The following ATXN1L variants were observed in gnomAD, a reference collection of about 807,000 sequenced individuals.
ATXN1L encodes the protein ataxin-1-like.
In ATXN1L, 8 loss-of-function variants were observed where a neutral mutation model predicts 43.4. The observed-to-expected ratio is 0.18, with a 90% CI of 0.11 to 0.33. The LOEUF is 0.33. Ranked by LOEUF, ATXN1L falls within the 10% of genes least tolerant of loss-of-function variation. The pLI is 1.00. For synonymous variants in ATXN1L, 379 were observed against 360.6 expected, an observed-to-expected ratio of 1.05 and a Z score of -0.58; for missense variants, 856 against 885.4, an observed-to-expected ratio of 0.97 and a Z score of 0.42.
rs187188338 is a variant in ATXN1L at position 71,854,120 on chromosome 16, A to G, written c.*2310A>G. On this transcript the variant is annotated 3_prime_UTR_variant, in exon 3 of 3. Coordinates refer to ENST00000427980, the MANE Select transcript of ATXN1L (RefSeq NM_001137675.4). ...CTCACAAGCGTCCTTCCTCATAGGA[A>G]GGCTCATCAACTGAATTTAGTGACA... is the stretch of plus-strand genomic sequence containing the variant. 1.6e-4 allele frequency: 26 copies of G among 167,244 alleles called. No homozygotes were observed. The East Asian group carries it at 3.7e-3, about 24-fold the overall frequency. The allele number at this position is 167,244 out of a possible 1,614,324, so 10.4% of individuals were successfully genotyped here.
In ATXN1L at chr16:71,852,074, G is replaced by T; in HGVS notation, c.*264G>T. ...AAGGAAGGGGGTGCACACAGGAGAAGAAACATTCCAAAATCAGGGCCTCCC... is the reference window on the plus strand; with the variant it reads ...AAGGAAGGGGGTGCACACAGGAGAATAAACATTCCAAAATCAGGGCCTCCC... On this transcript the variant is annotated 3_prime_UTR_variant, in exon 3 of 3. Coordinates refer to ENST00000427980, the MANE Select transcript of ATXN1L (RefSeq NM_001137675.4). 3.0e-6 allele frequency: 1 copy of T among 332,488 alleles called. No homozygotes were observed. The highest frequency in any genetic ancestry group is 5.0e-5 in the East Asian group (1 of 19,988). 20.6% of individuals were successfully genotyped at this position (332,488 alleles called of 1,614,324 possible).
In ATXN1L at chr16:71,850,824, C is replaced by T. The variant is rs1380936179; in HGVS notation, c.1084C>T (p.Pro362Ser). 2 of 1,551,692 alleles carry T rather than the reference C, an allele frequency of 1.3e-6. No homozygotes were observed. The highest frequency in any genetic ancestry group is 1.2e-5 in the South Asian group (1 of 84,054). Residue 362 changes from proline (P) to serine (S), a missense_variant, in exon 3 of 3, where the codon CCC becomes TCC. Coordinates refer to ENST00000427980, the MANE Select transcript of ATXN1L (RefSeq NM_001137675.4). ...AGCTCAGAGGAAGGAGGAACCCAGCCCCCTCAACCTATCCCATCATACCCC... is the reference window on the plus strand; with the variant it reads ...AGCTCAGAGGAAGGAGGAACCCAGCTCCCTCAACCTATCCCATCATACCCC... ...VAAQRKEEPS[P>S]LNLSHHTPDH...
Position 71,851,596 on chromosome 16 carries a change from G to A in ATXN1L, c.1856G>A (p.Cys619Tyr). ...ERTVLGSREL[C>Y]DSEGKSQPAG... ...ACGGTCTTGGGATCCAGAGAGCTATGTGACAGTGAGGGGAAGAGCCAGCCG... is the reference window on the plus strand; with the variant it reads ...ACGGTCTTGGGATCCAGAGAGCTATATGACAGTGAGGGGAAGAGCCAGCCG... The change falls in exon 3 of 3, where the codon TGT (cysteine) becomes TAT (tyrosine). Residue 619 changes from cysteine (C) to tyrosine (Y), a missense_variant. This residue lies in a region of ATXN1L where 185 missense variants were observed against 176.8 expected (regional missense o/e 1.05). Transcript: ENST00000427980. The surrounding 1 kb of genome is among the most constrained non-coding windows in gnomAD (Gnocchi z 4.9). 1 of 1,547,738 alleles carries A rather than the reference G, an allele frequency of 6.5e-7. No individual in the cohort carries two copies. The highest frequency in any genetic ancestry group is 8.7e-7 in the Non-Finnish European group (1 of 1,144,004).
In ATXN1L at chr16:71,846,114, C is replaced by T; in HGVS notation, c.-180+10C>T. On this transcript the variant is annotated intron_variant, in intron 1 of 2. Transcript: ENST00000427980. The stretch of plus-strand genomic sequence containing the variant: ...GCTGTGAAATGGGCTGGTGAGTGTC[C>T]CTGGAAGTGGTGGCCGCCGGGGCCA... 1 of 189,050 alleles carries T rather than the reference C, an allele frequency of 5.3e-6. No homozygotes were observed. The highest frequency in any genetic ancestry group is 1.1e-5 in the Non-Finnish European group (1 of 87,794). 11.7% of individuals were successfully genotyped at this position (189,050 alleles called of 1,614,324 possible).
In ATXN1L at chr16:71,853,337, T is replaced by C. The variant is rs1470489943; in HGVS notation, c.*1527T>C. 6.0e-6 allele frequency: 1 copy of C among 167,062 alleles called. No individual in the cohort carries two copies. The highest frequency in any genetic ancestry group is 1.5e-5 in the Non-Finnish European group (1 of 68,148). The allele number at this position is 167,062 out of a possible 1,614,324, so 10.3% of individuals were successfully genotyped here. On this transcript the variant is annotated 3_prime_UTR_variant, in exon 3 of 3. Coordinates refer to ENST00000427980, the MANE Select transcript of ATXN1L (RefSeq NM_001137675.4). ...CAGACCGTGGGGTTCCACTGGGTAT[T>C]GGGAATTAGGCTCCCCCACTAGCTT...
rs760424394 is a variant in ATXN1L at position 71,850,860 on chromosome 16, G to T, written c.1120G>T (p.Gly374Cys). ...ATCCCATCATACCCCCGACCATCAG[G>T]GTGAGGGGCGAGGGTCAGCCAGGAA... ...NLSHHTPDHQ[G>C]EGRGSARNPA... Residue 374 changes from glycine (G) to cysteine (C), a missense_variant, in exon 3 of 3, where the codon GGT (glycine) becomes TGT (cysteine). By Grantham distance (159) the Gly-to-Cys change is radical. Transcript: ENST00000427980. 8 of 1,551,608 alleles carry T rather than the reference G, an allele frequency of 5.2e-6. No homozygotes were observed. The highest frequency in any genetic ancestry group is 7.0e-6 in the Non-Finnish European group (8 of 1,147,008).
chr16:71,848,005 T>G lies in ATXN1L; in HGVS notation c.-179-5T>G. The G allele has an allele frequency of 2.2e-6, 1 of 455,996 alleles. No homozygotes were observed. Among genetic ancestry groups the G allele is most frequent in the South Asian group, 1.5e-5 (1 of 64,542 alleles). 28.2% of individuals were successfully genotyped at this position (455,996 alleles called of 1,614,324 possible). A position where few individuals can be genotyped will look rare whatever the true frequency, so the allele number is the denominator to read the frequency against. ...GCTTACTCCATTCCTGTTTCTATCT[T>G]CTAGGCTCCCGAGCCAGCCGGGAGG... On this transcript the variant is annotated splice_region_variant and splice_polypyrimidine_tract_variant and intron_variant, in intron 1 of 2. Transcript: ENST00000427980.
At position 71,850,444 on chromosome 16, in the gene ATXN1L, G is replaced by C; in HGVS notation, c.704G>C (p.Arg235Thr). Reference sequence around the variant, plus strand: ...ATGCCCATTTATTATCAGATGTCCAGGCTACCTGCTGGGTATACTTTGCAT... The same window carrying C: ...ATGCCCATTTATTATCAGATGTCCACGCTACCTGCTGGGTATACTTTGCAT... ...GRMPIYYQMS[R>T]LPAGYTLHET... The change falls in exon 3 of 3, where the codon AGG becomes ACG. Residue 235 changes from arginine to threonine, a missense_variant. Coordinates refer to ENST00000427980, the MANE Select transcript of ATXN1L (RefSeq NM_001137675.4). 6.4e-7 allele frequency: 1 copy of C among 1,551,726 alleles called. No homozygotes were observed. Among genetic ancestry groups the C allele is most frequent in the South Asian group, 1.2e-5 (1 of 84,068 alleles).
In ATXN1L at chr16:71,851,704, G is replaced by T. The variant is rs1204687327; in HGVS notation, c.1964G>T (p.Arg655Ile). Residue 655 changes from arginine (R) to isoleucine (I), a missense_variant, in exon 3 of 3, where the codon AGA (arginine) becomes ATA (isoleucine). Coordinates refer to ENST00000427980, the MANE Select transcript of ATXN1L (RefSeq NM_001137675.4). This position sits in a 1 kb window ranked among gnomAD's most constrained non-coding sequence, Gnocchi z 4.9. ...TGCTGGCCAGCCCCGAGCTTCCAAA[G>T]ATACAGCATGCAAGGGGAGGAGGCA... ...QACWPAPSFQ[R>I]YSMQGEEARA... is the part of the protein sequence containing the mutation. 1.8e-5 allele frequency: 27 copies of T among 1,485,658 alleles called. No homozygotes were observed. Among genetic ancestry groups the T allele is most frequent in the Non-Finnish European group, 2.2e-5 (25 of 1,113,148 alleles). 92.0% of individuals were successfully genotyped at this position (1,485,658 alleles called of 1,614,324 possible).
In ATXN1L at chr16:71,850,032, C is replaced by T; in HGVS notation, c.292C>T (p.Pro98Ser). The change falls in exon 3 of 3, where the codon CCA becomes TCA. Residue 98 changes from proline (P) to serine (S), a missense_variant. By Grantham distance (74) the Pro-to-Ser change is moderately conservative (BLOSUM62 -1). Coordinates refer to ENST00000427980, the MANE Select transcript of ATXN1L (RefSeq NM_001137675.4). Reference sequence around the variant, plus strand: ...TGCCACCTTTTCACCAACTGGACTCCCATCTGTGGTGAATATGAGTCCCTT... The same window carrying T: ...TGCCACCTTTTCACCAACTGGACTCTCATCTGTGGTGAATATGAGTCCCTT... ...PPATFSPTGL[P>S]SVVNMSPLPP... is the part of the protein sequence containing the mutation. 1.3e-6 allele frequency: 2 copies of T among 1,551,628 alleles called. No individual in the cohort carries two copies. The highest frequency in any genetic ancestry group is 8.7e-7 in the Non-Finnish European group (1 of 1,146,966).
At chr16:71,847,978 C>T (rs2033460833) in intron 1 of ATXN1L, 32 bp from the exon 2 acceptor site, 1 of 453,948 alleles carries the variant, frequency 2.2e-6, no homozygotes, top group Non-Finnish European at 4.4e-6. Context: ...GGTCAGGCAG[C>T]CGCTTACTCC....
At position 71,850,733 on chromosome 16, in the gene ATXN1L, G is replaced by T. The variant is rs866322022; in HGVS notation, c.993G>T (p.Pro331=). The change falls in exon 3 of 3, where the codon CCG becomes CCT. Residue 331 remains proline, a synonymous_variant. Coordinates refer to ENST00000427980, the MANE Select transcript of ATXN1L (RefSeq NM_001137675.4). ...EVAAPAHRGT[P]DTDLEVQRVV... The stretch of plus-strand genomic sequence containing the variant: ...CAGCACCAGCACACCGGGGGACCCC[G>T]GACACTGACCTTGAGGTCCAGCGGG... 1 of 1,551,560 alleles carries T rather than the reference G, an allele frequency of 6.4e-7. No individual in the cohort carries two copies. The highest frequency in any genetic ancestry group is 1.4e-5 in the African/African-American group (1 of 73,038).
chr16:71,850,694 A>T lies in ATXN1L; in HGVS notation c.954A>T (p.Pro318=). The part of the protein sequence containing the change: ...DGQLFSGSQT[P]RVEVAAPAHR... Reference sequence around the variant, plus strand: ...AGTTGTTTTCAGGTTCTCAGACTCCACGGGTAGAGGTAGCAGCACCAGCAC... The same window carrying T: ...AGTTGTTTTCAGGTTCTCAGACTCCTCGGGTAGAGGTAGCAGCACCAGCAC... The change falls in exon 3 of 3, where the codon CCA becomes CCT. Residue 318 remains proline, a synonymous_variant. Coordinates refer to ENST00000427980, the MANE Select transcript of ATXN1L (RefSeq NM_001137675.4). The T allele has an allele frequency of 6.4e-7, 1 of 1,551,704 alleles. No individual in the cohort carries two copies. Among genetic ancestry groups the T allele is most frequent in the East Asian group, 2.4e-5 (1 of 40,912 alleles).
At position 71,849,869 on chromosome 16, in the gene ATXN1L, T is replaced by C; in HGVS notation, c.129T>C (p.Ser43=). 1 of 1,551,542 alleles carries C rather than the reference T, an allele frequency of 6.4e-7. No individual in the cohort carries two copies. Among genetic ancestry groups the C allele is most frequent in the Non-Finnish European group, 8.7e-7 (1 of 1,146,892 alleles). Residue 43 remains serine (S), a synonymous_variant, in exon 3 of 3, where the codon TCT becomes TCC. Coordinates refer to ENST00000427980, the MANE Select transcript of ATXN1L (RefSeq NM_001137675.4). ...STNHTPSSDA[S]EWSRGVVVAG... Reference sequence around the variant, plus strand: ...ACCACACACCCTCCAGTGATGCTTCTGAATGGTCCCGAGGGGTTGTGGTGG... The same window carrying C: ...ACCACACACCCTCCAGTGATGCTTCCGAATGGTCCCGAGGGGTTGTGGTGG...
chr16:71,854,257 CCTTCCA>C lies in ATXN1L; in HGVS notation c.*2451_*2456del, dbSNP rs770565275. ...AGACCAATTAGTTTAGATCAAATCA[CCTTCCA>C]CTTGGGCTACTTGTGACTTTCCAAC... On this transcript the variant is annotated 3_prime_UTR_variant, in exon 3 of 3. Transcript: ENST00000427980. 3.0e-5 allele frequency: 5 copies of C among 167,108 alleles called. No individual in the cohort carries two copies. The highest frequency in any genetic ancestry group is 4.4e-5 in the Non-Finnish European group (3 of 68,124). 10.4% of individuals were successfully genotyped at this position (167,108 alleles called of 1,614,324 possible). A position where few individuals can be genotyped will look rare whatever the true frequency, so the allele number is the denominator to read the frequency against.
At chr16:71,847,018 A>G (rs2033449908) in intron 1 of ATXN1L, among the ~76,000 whole-genome samples, 1 of 152,110 alleles carries the variant, frequency 6.6e-6, no homozygotes. Flanking sequence ...GTCATTATTT[A>G]TGCCACTGTG....
At position 71,849,215 on chromosome 16, in the gene ATXN1L, TTAAAAAAAA is replaced by T. The variant is rs1406116371; in HGVS notation, c.-117-408_-117-400del. 5.8e-5 allele frequency among the ~76,000 whole-genome samples: 5 copies of T among 86,052 alleles called. No individual in the cohort carries two copies. In the South Asian group the frequency reaches 1.3e-3, roughly 23 times the overall value. The allele number at this position is 86,052 out of a possible 152,430, so 56.5% of individuals were successfully genotyped here. A position where few individuals can be genotyped will look rare whatever the true frequency, so the allele number is the denominator to read the frequency against. On this transcript the variant is annotated intron_variant, in intron 2 of 2. Coordinates refer to ENST00000427980, the MANE Select transcript of ATXN1L (RefSeq NM_001137675.4). Reference sequence around the variant, plus strand: ...CAACAAGAGCAAAACTCCATGTGTTTTAAAAAAAAAAAAAAAAAAAAAAAAAAGCAAAAG... The same window carrying T: ...CAACAAGAGCAAAACTCCATGTGTTTAAAAAAAAAAAAAAAAAAGCAAAAG...
rs139110049 is a variant in ATXN1L, at chr16:71,849,800, C to A, written c.60C>A (p.Pro20=). ...TTCCACCAAAGAAACGAGACCTCCC[C>A]GTGACCAGCGAGGATATGGGGAGAA... ...ECLPPKKRDL[P]VTSEDMGRTT... is the part of the protein sequence containing the mutation. Residue 20 remains proline, a synonymous_variant, in exon 3 of 3, where the codon CCC becomes CCA. Transcript: ENST00000427980. 7 of 1,547,810 alleles carry A rather than the reference C, an allele frequency of 4.5e-6. No individual in the cohort carries two copies. The African/African-American group carries it at 5.5e-5, about 12-fold the overall frequency.
At position 71,851,504 on chromosome 16, in the gene ATXN1L, C is replaced by T; in HGVS notation, c.1764C>T (p.Asn588=). 6.4e-7 allele frequency: 1 copy of T among 1,551,576 alleles called. No homozygotes were observed. The highest frequency in any genetic ancestry group is 2.4e-5 in the East Asian group (1 of 40,902). ...TCAGTTTACAGAGCTTGAACAGTAA[C>T]TCAGTTTCTCAGGCCAGCTGTGCTC... is the stretch of plus-strand genomic sequence containing the variant. ...ISISLQSLNS[N]SVSQASCAPP... The change falls in exon 3 of 3, where the codon AAC becomes AAT. Residue 588 remains asparagine (N), a synonymous_variant. Transcript: ENST00000427980. The surrounding 1 kb of genome is among the most constrained non-coding windows in gnomAD (Gnocchi z 4.9).
Sources: gnomAD v4.1 joint callset for allele counts (sites outside exome capture counted in the v4.1 genomes callset) on GRCh38, gnomAD v4.1.1 for gene constraint, gnomAD v4.1.1 regional missense constraint, Gnocchi (gnomAD v3.1) non-coding constraint, MANE v1.5 for transcripts, NCBI Gene and HGNC (gene_info 2026-07-23, HGNC 2026-07-21) for gene names.